The following C18orf54 variants were observed in gnomAD, a reference collection of about 807,000 sequenced individuals.
C18orf54 encodes lung adenoma susceptibility protein 2.
In C18orf54, 49 loss-of-function variants were observed where a neutral mutation model predicts 49.3. That is an observed-to-expected ratio of 0.99 (90% confidence interval 0.79 to 1.26). The LOEUF (loss-of-function observed/expected upper bound fraction) is 1.26, where lower values mean the gene tolerates loss of function less well. C18orf54 is among the 50% of genes most tolerant of loss of function. C18orf54 has a pLI of 0.00. For synonymous variants in C18orf54, 211 were observed against 216.6 expected (o/e 0.97, Z 0.23); for missense variants, 687 against 620.6 (o/e 1.11, Z -1.14).
chr18:54,363,166 A>G (rs965915925), intron 5 of C18orf54, among the ~76,000 whole-genome samples: 1 of 152,212 alleles, frequency 6.6e-6, no homozygotes, highest in Non-Finnish European at 1.5e-5. Context: ...ATTATAAAAT[A>G]TTGATAAGCA....
intron 5 of C18orf54, among the ~76,000 whole-genome samples, chr18:54,364,677 GA>G (rs1311334176): frequency 1.2e-4 from 18 of 148,122 alleles, no homozygotes; most frequent in Admixed American, 4.1e-4. Flanking sequence ...TACGAAAGTA[GA>G]ATAGCATAAT....
chr18:54,362,435 A>G lies in C18orf54; in HGVS notation c.1072+4A>G. 2 of 1,485,852 alleles carry G rather than the reference A, an allele frequency of 1.3e-6. No individual in the cohort carries two copies. The highest frequency in any genetic ancestry group is 1.3e-5 in the South Asian group (1 of 74,720). 92.0% of individuals were successfully genotyped at this position (1,485,852 alleles called of 1,614,324 possible). On this transcript the variant is annotated splice_donor_region_variant and intron_variant, in intron 4 of 8. Coordinates refer to ENST00000620105, the MANE Select transcript of C18orf54 (RefSeq NM_001288980.2). ...CAATCCACAAAGCCATTCAGTGGTA[A>G]TACTTTGTTTATTGCTTATAGTTAT...
At chr18:54,358,553 T>G (rs2089195575) in intron 1 of C18orf54, 1 of 152,144 alleles carries the variant, frequency 6.6e-6, no homozygotes, top group African/African-American at 2.4e-5. Flanking sequence ...CTGGAAAAAT[T>G]GGAATTCAGG....
intron 1 of C18orf54, 76 bp downstream of exon 1, chr18:54,358,151 T>G (rs1318233787): frequency 6.6e-6 from 1 of 152,320 alleles, no homozygotes; most frequent in Non-Finnish European, 1.5e-5. Context: ...AAGGAGGGTG[T>G]CTTTTCGAGG....
At chr18:54,369,194 ATATATGTG>A (rs2089440764) in intron 6 of C18orf54, among the ~76,000 whole-genome samples, 1 of 152,158 alleles carries the variant, frequency 6.6e-6, no homozygotes, top group South Asian at 2.1e-4. Context: ...ATCTGTGTAC[ATATATGTG>A]TATATGTGTT....
At position 54,360,727 on chromosome 18, in the gene C18orf54, T is replaced by C. The variant is rs776024015; in HGVS notation, c.155T>C (p.Leu52Pro). Residue 52 changes from leucine to proline, a missense_variant, in exon 3 of 9, where the codon CTA becomes CCA. By Grantham distance (98) the Leu-to-Pro change is moderately conservative. Transcript: ENST00000620105. The part of the protein sequence containing the change: ...DKLYRSASQA[L>P]QAYIDDFDLG... ...CTGTACAGATCTGCTTCTCAAGCTC[T>C]ACAGGCTTATATTGATGATTTTGAT... 3 of 1,613,990 alleles carry C rather than the reference T, an allele frequency of 1.9e-6. No homozygotes were observed. The highest frequency in any genetic ancestry group is 1.3e-5 in the African/African-American group (1 of 74,914).
chr18:54,358,686 CAG>C (rs1021158298), intron 1 of C18orf54, 86 bp from the exon 2 acceptor site: 3 of 152,240 alleles, frequency 2.0e-5, no homozygotes, highest in African/African-American at 7.2e-5. Flanking sequence ...TTAGCAGTCA[CAG>C]AGCTATTTCC....
At position 54,372,574 on chromosome 18, in the gene C18orf54, G is replaced by T. The variant is rs973300071; in HGVS notation, c.1435G>T (p.Asp479Tyr). 6.2e-7 allele frequency: 1 copy of T among 1,605,928 alleles called. No individual in the cohort carries two copies. The highest frequency in any genetic ancestry group is 8.5e-7 in the Non-Finnish European group (1 of 1,175,938). Residue 479 changes from aspartate to tyrosine, a missense_variant, in exon 7 of 9, where the codon GAT (aspartate) becomes TAT (tyrosine). Transcript: ENST00000620105. ...ACGTTTTAATCAAAATAAGACCACA[G>T]ATCCAAAAGAAGAGATTAAACAAGT... ...QERFNQNKTT[D>Y]PKEEIKQVSE...
chr18:54,367,747 T>C (rs1284703332), intron 6 of C18orf54, among the ~76,000 whole-genome samples: 1 of 152,110 alleles, frequency 6.6e-6, no homozygotes, highest in Non-Finnish European at 1.5e-5. Flanking sequence ...TCATATGTAT[T>C]CCCAGACGTG....
intron 2 of C18orf54, among the ~76,000 whole-genome samples, chr18:54,359,618 G>A (rs532285016): frequency 6.6e-6 from 1 of 152,262 alleles, no homozygotes; most frequent in South Asian, 2.1e-4. Flanking sequence ...TAACATCATA[G>A]CATATGTTAA....
In C18orf54 at chr18:54,372,475, C is replaced by T. The variant is rs969423500; in HGVS notation, c.1336C>T (p.Leu446Phe). Residue 446 changes from leucine to phenylalanine, a missense_variant, in exon 7 of 9, where the codon CTC becomes TTC. By Grantham distance (22) the Leu-to-Phe change is conservative. Coordinates refer to ENST00000620105, the MANE Select transcript of C18orf54 (RefSeq NM_001288980.2). ...TCTGTTTTAACCTTAGAGCTGTACT[C>T]TCTCTGGAGGCAAACATCATGGTCC... Reference protein sequence around the residue: ...FLNNDNQSCTLSGGKHHGPVE... With the variant: ...FLNNDNQSCTFSGGKHHGPVE... The T allele has an allele frequency of 1.2e-6, 2 of 1,607,078 alleles. No homozygotes were observed. Among genetic ancestry groups the T allele is most frequent in the Admixed American group, 3.4e-5 (2 of 59,524 alleles).
rs1315961226 is a variant in C18orf54, at chr18:54,379,541, G to C, written c.*1295G>C. The stretch of plus-strand genomic sequence containing the variant: ...TTGCCCGTGAGTTTTTTACCATGCT[G>C]CTCTGACCAGTTTGAGTGGCAATTA... On this transcript the variant is annotated 3_prime_UTR_variant, in exon 9 of 9. Coordinates refer to ENST00000620105, the MANE Select transcript of C18orf54 (RefSeq NM_001288980.2). 5.0e-5 allele frequency: 7 copies of C among 138,814 alleles called. No individual in the cohort carries two copies. The East Asian group carries it at 1.4e-3, about 28-fold the overall frequency. The allele number at this position is 138,814 out of a possible 1,614,324, so 8.6% of individuals were successfully genotyped here.
chr18:54,365,337 A>G (rs545842593), intron 5 of C18orf54, among the ~76,000 whole-genome samples: 1 of 152,000 alleles, frequency 6.6e-6, no homozygotes, highest in Non-Finnish European at 1.5e-5. Flanking sequence ...AAAAACTTTT[A>G]AGAGTTTATG....
intron 3 of C18orf54, 85 bp from the exon 4 acceptor site, chr18:54,361,558 G>A (rs2089268893): frequency 8.2e-7 from 1 of 1,213,168 alleles, no homozygotes; most frequent in East Asian, 2.6e-5. Flanking sequence ...GCAGCAAAAT[G>A]CCTCTTAAAT....
rs1351030659 is a variant in C18orf54 at position 54,380,100 on chromosome 18, C to G, written c.*1854C>G. 6.6e-6 allele frequency: 1 copy of G among 151,952 alleles called. No individual in the cohort carries two copies. Among genetic ancestry groups the G allele is most frequent in the African/African-American group, 2.4e-5 (1 of 41,392 alleles). 9.4% of individuals were successfully genotyped at this position (151,952 alleles called of 1,614,324 possible). ...ATTAATTTTAGCAAAATGATTCATT[C>G]CAACCTTCTTATAAGAAATATCTAG... On this transcript the variant is annotated 3_prime_UTR_variant, in exon 9 of 9. Coordinates refer to ENST00000620105, the MANE Select transcript of C18orf54 (RefSeq NM_001288980.2).
intron 8 of C18orf54, among the ~76,000 whole-genome samples, chr18:54,377,772 G>C (rs948664028): frequency 6.6e-6 from 1 of 152,032 alleles, no homozygotes; most frequent in Non-Finnish European, 1.5e-5. Flanking sequence ...AATAATTTCT[G>C]TATTTTACTT....
At position 54,362,848 on chromosome 18, in the gene C18orf54, A is replaced by C. The variant is rs770141925; in HGVS notation, c.1150A>C (p.Lys384Gln). Reference sequence around the variant, plus strand: ...TACTGAAGAATTACCAAAGTCCATGAAAAAGGATGACAGTCCTTGCTCATT... The same window carrying C: ...TACTGAAGAATTACCAAAGTCCATGCAAAAGGATGACAGTCCTTGCTCATT... The part of the protein sequence containing the change: ...QCTEELPKSM[K>Q]KDDSPCSLDK... Residue 384 changes from lysine to glutamine, a missense_variant, in exon 5 of 9, where the codon AAA becomes CAA. Physicochemically the swap from Lys to Gln is moderately conservative, Grantham distance 53. Coordinates refer to ENST00000620105, the MANE Select transcript of C18orf54 (RefSeq NM_001288980.2). The C allele has an allele frequency of 2.5e-6, 4 of 1,612,244 alleles. No homozygotes were observed.
Position 54,379,769 on chromosome 18 carries a change from A to G in C18orf54, c.*1523A>G, listed in dbSNP as rs556331978. 4.6e-5 allele frequency: 7 copies of G among 152,136 alleles called. No homozygotes were observed. The highest frequency in any genetic ancestry group is 6.5e-5 in the Admixed American group (1 of 15,278). The allele number at this position is 152,136 out of a possible 1,614,324, so 9.4% of individuals were successfully genotyped here. ...GGGTGGGTCATGTTCTAGGCCTAGAAAAATACACTATTAGACAAGTTCTAA... is the reference window on the plus strand; with the variant it reads ...GGGTGGGTCATGTTCTAGGCCTAGAGAAATACACTATTAGACAAGTTCTAA... On this transcript the variant is annotated 3_prime_UTR_variant, in exon 9 of 9. Coordinates refer to ENST00000620105, the MANE Select transcript of C18orf54 (RefSeq NM_001288980.2).
rs1436249254 is a variant in C18orf54 at position 54,358,857 on chromosome 18, G to T, written c.-60G>T. The T allele has an allele frequency of 6.6e-6, 1 of 152,068 alleles. No homozygotes were observed. 9.4% of individuals were successfully genotyped at this position (152,068 alleles called of 1,614,324 possible). On this transcript the variant is annotated 5_prime_UTR_variant, in exon 2 of 9. Transcript: ENST00000620105. The stretch of plus-strand genomic sequence containing the variant: ...CTTTTGGAGATTCGAACTGAAGCCT[G>T]TACGGAGGAAATGGTAAGATATATG...
Sources: allele counts gnomAD v4.1 joint callset (sites outside exome capture counted in the v4.1 genomes callset), GRCh38; gene constraint gnomAD v4.1.1; transcripts MANE v1.5; gene names NCBI Gene and HGNC (gene_info 2026-07-23, HGNC 2026-07-21).